Variants in SOX5 observed in about 807,000 individuals in gnomAD.
SOX5 encodes SRY-box transcription factor 5.
Under a neutral mutation model 92.0 loss-of-function variants are expected in SOX5, and 9 were observed. That is an observed-to-expected ratio of 0.10 (90% CI 0.06 to 0.17). The LOEUF is 0.17. SOX5 is among the 10% of genes least tolerant of loss of function. SOX5 has a pLI of 1.00. For synonymous variants in SOX5, 344 were observed against 336.3 expected (o/e 1.02, Z -0.25); for missense variants, 642 against 944.5 (o/e 0.68, Z 4.20).
chr12:24,143,866 AGAAGGAGGAGGAGGAGG>A (rs1341949615), intron 4 of SOX5, among the ~76,000 whole-genome samples: 1 of 151,566 alleles, frequency 6.6e-6, no homozygotes, highest in African/African-American at 2.4e-5. Flanking sequence ...AAGAAGGAGG[AGAAGGAGGAGGAGGAGG>A]AAAGGAGGAG....
At position 23,543,201 on chromosome 12, in the gene SOX5, G is replaced by T. The variant is rs748313065; in HGVS notation, c.1771+10C>A. ...TCCATACGTCACTTAGTTCTTAATG[G>T]TTTTCTTACCCAATATCTTGCTGAT... On this transcript the variant is annotated intron_variant, in intron 13 of 14. Transcript: ENST00000451604. 1.2e-6 allele frequency: 2 copies of T among 1,608,676 alleles called. No individual in the cohort carries two copies. The highest frequency in any genetic ancestry group is 3.3e-5 in the Admixed American group (2 of 59,938).
At chr12:23,595,385 G>C (rs1284852314) in intron 9 of SOX5, among the ~76,000 whole-genome samples, 2 of 152,086 alleles carry the variant, frequency 1.3e-5, no homozygotes, top group South Asian at 4.1e-4. Context: ...CACTTTGGGA[G>C]GCCGAGGCCG....
intron 2 of SOX5, among the ~76,000 whole-genome samples, chr12:23,877,998 C>T (rs1458300043): frequency 6.6e-6 from 1 of 151,774 alleles, no homozygotes; most frequent in African/African-American, 2.4e-5. Flanking sequence ...TATATTTTTT[C>T]TGCTTCTAAA....
chr12:23,950,826 C>G, upstream of SOX5: 1 of 1,523,992 alleles, frequency 6.6e-7, no homozygotes, highest in Non-Finnish European at 8.8e-7. Context: ...ACCTTTGACA[C>G]GAAATGACAG....
At chr12:24,475,997 A>AT (rs1945331666) in intron 1 of SOX5, among the ~76,000 whole-genome samples, 1 of 69,662 alleles carries the variant, frequency 1.4e-5, no homozygotes, top group Non-Finnish European at 2.4e-5. Flanking sequence ...TACATTTAAA[A>AT]AAAAAAAAAA....
intron 2 of SOX5, 102 bp downstream of exon 2, chr12:23,895,691 T>A (rs1186885972): frequency 1.3e-6 from 1 of 763,196 alleles, no homozygotes; most frequent in Non-Finnish European, 2.3e-6. Flanking sequence ...CATGGGTTCT[T>A]AAGTAGATGT....
intron 1 of SOX5, among the ~76,000 whole-genome samples, chr12:23,924,012 T>C (rs1939229030): frequency 2.0e-5 from 3 of 152,220 alleles, no homozygotes; most frequent in African/African-American, 7.2e-5. Context: ...TAAACCTTTC[T>C]ACCACTCAAA....
chr12:23,896,361 T>C (rs937390271), intron 1 of SOX5, among the ~76,000 whole-genome samples: 1 of 152,326 alleles, frequency 6.6e-6, no homozygotes, highest in Non-Finnish European at 1.5e-5. Context: ...TACACTCTGA[T>C]AGACCTTATT....
At chr12:23,675,434 G>A (rs1054324656) in intron 6 of SOX5, among the ~76,000 whole-genome samples, 1 of 151,798 alleles carries the variant, frequency 6.6e-6, no homozygotes, top group African/African-American at 2.4e-5. Flanking sequence ...AAGGCACCAA[G>A]ATCACACAAT....
intron 10 of SOX5, among the ~76,000 whole-genome samples, chr12:23,568,845 G>A (rs1347109844): frequency 6.7e-6 from 1 of 148,762 alleles, no homozygotes; most frequent in Non-Finnish European, 1.5e-5. Context: ...TACACTCTTT[G>A]AATTCATGTC....
intron 3 of SOX5, among the ~76,000 whole-genome samples, chr12:23,807,859 G>A (rs1337124887): frequency 6.6e-6 from 1 of 151,918 alleles, no homozygotes; most frequent in East Asian, 1.9e-4. Context: ...TGTTGGCCAG[G>A]CTGGTCTTGA....
intron 4 of SOX5, among the ~76,000 whole-genome samples, chr12:24,165,685 A>G (rs1028768744): frequency 2.0e-5 from 3 of 152,176 alleles, no homozygotes; most frequent in Non-Finnish European, 4.4e-5. Flanking sequence ...ATGCAGAAAT[A>G]CATAGGAAAA....
At chr12:24,130,135 C>T (rs1949508600) in intron 4 of SOX5, among the ~76,000 whole-genome samples, 1 of 152,004 alleles carries the variant, frequency 6.6e-6, no homozygotes, top group South Asian at 2.1e-4. Context: ...ACAGGATCTG[C>T]TAGAAATATA....
At chr12:23,952,387 G>A (rs369990561), upstream of SOX5, among the ~76,000 whole-genome samples, 187 of 152,290 alleles carry the variant, frequency 1.2e-3, no homozygotes, top group African/African-American at 4.2e-3. Flanking sequence ...GGTCACCAGA[G>A]CAGGTAAGAA....
intron 3 of SOX5, among the ~76,000 whole-genome samples, chr12:23,841,046 CA>C (rs1196301057): frequency 3.3e-5 from 5 of 152,020 alleles, no homozygotes; most frequent in African/African-American, 1.2e-4. Flanking sequence ...AATGCAAACA[CA>C]AGCTGCAGAC....
rs1474234892 is a variant in SOX5 at position 24,430,362 on chromosome 12, GT to G, written c.-250-61724del. 4.6e-5 allele frequency among the ~76,000 whole-genome samples: 7 copies of G among 151,874 alleles called. No homozygotes were observed. The East Asian group carries it at 1.3e-3, about 29-fold the overall frequency. ...CATCACCACTAAGACAAGAAGGCATGTTTTCAAAAACTAGTATAAGAATTTA... is the reference window on the plus strand; with the variant it reads ...CATCACCACTAAGACAAGAAGGCATGTTTCAAAAACTAGTATAAGAATTTA... On this transcript the variant is annotated intron_variant, in intron 1 of 4. Transcript: ENST00000446891.
At chr12:23,809,610 C>G (rs917677458) in intron 3 of SOX5, among the ~76,000 whole-genome samples, 1 of 106,642 alleles carries the variant, frequency 9.4e-6, no homozygotes, top group Non-Finnish European at 2.0e-5. Flanking sequence ...TTGAAACATA[C>G]TTTTTTATTA....
chr12:24,439,075 C>T (rs1445927304), intron 1 of SOX5, among the ~76,000 whole-genome samples: 3 of 152,198 alleles, frequency 2.0e-5, no homozygotes, highest in Non-Finnish European at 2.9e-5. Context: ...GCCACCCCAA[C>T]CTTCAGCAAA....
intron 4 of SOX5, among the ~76,000 whole-genome samples, chr12:23,961,835 A>G (rs955685890): frequency 2.6e-5 from 4 of 152,208 alleles, no homozygotes; most frequent in African/African-American, 9.6e-5. Flanking sequence ...GCCATTCCAT[A>G]ATCTGTTTCT....
Sources: gnomAD v4.1 joint callset for allele counts (sites outside exome capture counted in the v4.1 genomes callset) on GRCh38, gnomAD v4.1.1 for gene constraint, MANE v1.5 for transcripts, NCBI Gene and HGNC (gene_info 2026-07-23, HGNC 2026-07-21) for gene names.